Variants in LPA observed in about 807,000 individuals in gnomAD.
The protein encoded by LPA is lipoprotein(a).
In LPA, 199 loss-of-function variants were observed where a neutral mutation model predicts 197.9. The ratio of observed to expected loss-of-function variants is 1.01; its 90% CI spans 0.90 to 1.13. The LOEUF is 1.13. Among genes scored for constraint, LPA ranks in the 50% most tolerant of loss-of-function variants. LPA has a pLI of 0.00. For missense variants in LPA, 1,853 were observed against 1,785.8 expected, an observed-to-expected ratio of 1.04 and a Z score of -0.68; for synonymous variants, 715 against 639.5, an observed-to-expected ratio of 1.12 and a Z score of -1.78.
intron 1 of LPA, among the ~76,000 whole-genome samples, chr6:160,657,473 A>C (rs193118052): frequency 6.9e-6 from 1 of 145,352 alleles, no homozygotes; most frequent in East Asian, 2.0e-4. Context: ...ATCTTGGCTC[A>C]CTGCAATCTC....
chr6:160,584,547 G>A (rs904317545), intron 26 of LPA, among the ~76,000 whole-genome samples: 1 of 151,918 alleles, frequency 6.6e-6, no homozygotes, highest in African/African-American at 2.4e-5. Flanking sequence ...AGCCAGGCTG[G>A]TCTTGAACTC....
At chr6:160,657,810 A>G (rs1375996088) in intron 1 of LPA, among the ~76,000 whole-genome samples, 1 of 152,134 alleles carries the variant, frequency 6.6e-6, no homozygotes, top group Admixed American at 6.5e-5. Flanking sequence ...TTCCACCATT[A>G]TCCCTTACCC....
chr6:160,557,296 T>C, intron 29 of LPA, 94 bp downstream of exon 29: 1 of 1,443,076 alleles, frequency 6.9e-7, no homozygotes, highest in Non-Finnish European at 9.7e-7. Context: ...CTCAAGTTTC[T>C]GTGTAGCATG....
intron 26 of LPA, among the ~76,000 whole-genome samples, chr6:160,584,234 T>TCCTCC (rs1562331265): frequency 1.6e-5 from 1 of 64,162 alleles, no homozygotes; most frequent in Non-Finnish European, 3.2e-5. Flanking sequence ...CTTCTTCTTC[T>TCCTCC]TCTTCCTCCT....
intron 10 of LPA, among the ~76,000 whole-genome samples, chr6:160,626,450 TTGTGTGTGTG>T (rs141731887): frequency 5.9e-4 from 64 of 107,924 alleles, no homozygotes; most frequent in Non-Finnish European, 4.3e-4. Flanking sequence ...TGTTTTCAGT[TTGTGTGTGTG>T]TGTGTGTGTG....
chr6:160,661,083 T>A (rs1436885428), intron 1 of LPA, among the ~76,000 whole-genome samples: 1 of 152,112 alleles, frequency 6.6e-6, no homozygotes. Flanking sequence ...GTCCTGAGGC[T>A]CCTTAGGACA....
At chr6:160,550,972 T>A (rs927623546) in intron 30 of LPA, among the ~76,000 whole-genome samples, 5 of 152,192 alleles carry the variant, frequency 3.3e-5, no homozygotes, top group African/African-American at 1.2e-4. Flanking sequence ...CAGTTTGGGG[T>A]TATAAAAAAT....
At chr6:160,597,654 C>T (rs1779159547) in intron 20 of LPA, among the ~76,000 whole-genome samples, 1 of 152,154 alleles carries the variant, frequency 6.6e-6, no homozygotes, top group Non-Finnish European at 1.5e-5. Context: ...TATCCTTTTA[C>T]TTTCCCTTGA....
At chr6:160,587,931 G>A (rs988353607) in intron 24 of LPA, among the ~76,000 whole-genome samples, 1 of 152,026 alleles carries the variant, frequency 6.6e-6, no homozygotes, top group African/African-American at 2.4e-5. Context: ...CATTAGAGAT[G>A]TACCTTTTCT....
At chr6:160,601,207 A>G in intron 18 of LPA, 109 bp from the exon 19 acceptor site, 1 of 919,318 alleles carries the variant, frequency 1.1e-6, no homozygotes, top group Non-Finnish European at 1.8e-6. Context: ...TATTCCCAAA[A>G]GAGATACCAT....
intron 28 of LPA, among the ~76,000 whole-genome samples, chr6:160,570,826 C>T (rs977546973): frequency 6.6e-6 from 1 of 152,104 alleles, no homozygotes; most frequent in Non-Finnish European, 1.5e-5. Context: ...CTTCAGGTTG[C>T]TCTTCTTGAG....
rs1256333299 is a variant in LPA at position 160,531,786 on chromosome 6, G to A, written c.6066C>T (p.Val2022=). 4 of 1,613,918 alleles carry A rather than the reference G, an allele frequency of 2.5e-6. No homozygotes were observed. Residue 2022 remains valine, a synonymous_variant, in exon 39 of 39, where the codon GTC becomes GTT. Transcript: ENST00000316300. ...LGCARPNKPG[V]YARVSRFVTW... Reference sequence around the variant, plus strand: ...TAACAAACCTTGAAACACGAGCATAGACACCAGGCTTATTGGGGCGTGCAC... The same window carrying A: ...TAACAAACCTTGAAACACGAGCATAAACACCAGGCTTATTGGGGCGTGCAC...
rs1182170940 is a variant in LPA, at chr6:160,650,467, TC to T, written c.79del (p.Asp27IlefsTer29). 6.2e-7 allele frequency: 1 copy of T among 1,613,794 alleles called. No homozygotes were observed. Among genetic ancestry groups the T allele is most frequent in the Non-Finnish European group, 8.5e-7 (1 of 1,179,776 alleles). Reference sequence around the variant, plus strand: ...ACTCTGTCCATCACCATGGTAGCAATCCTGGACCACATGGCTTTGCTCAGGT... The same window carrying T: ...ACTCTGTCCATCACCATGGTAGCAATCTGGACCACATGGCTTTGCTCAGGT... ...AAPEQSHVVQ[D>X]CYHGDGQSYR... is the part of the protein sequence containing the mutation. On this transcript the variant is annotated frameshift_variant, in exon 2 of 39. Coordinates refer to ENST00000316300, the MANE Select transcript of LPA (RefSeq NM_005577.4). LOFTEE classifies it high-confidence loss of function.
chr6:160,609,694 T>C (rs921386126), intron 16 of LPA, among the ~76,000 whole-genome samples: 2 of 152,070 alleles, frequency 1.3e-5, no homozygotes, highest in Admixed American at 1.3e-4. Context: ...GGAAATCTTC[T>C]TATATTTTCC....
intron 2 of LPA, among the ~76,000 whole-genome samples, chr6:160,647,517 A>C (rs773543099): frequency 1.3e-4 from 20 of 152,226 alleles, no homozygotes; most frequent in Non-Finnish European, 2.4e-4. Flanking sequence ...TCAATGAGCA[A>C]CTGGATGTAC....
intron 1 of LPA, among the ~76,000 whole-genome samples, chr6:160,652,630 A>G (rs1017843072): frequency 6.6e-6 from 1 of 152,162 alleles, no homozygotes; most frequent in African/African-American, 2.4e-5. Flanking sequence ...ATGGTAAAAT[A>G]AAGAAATTAT....
chr6:160,603,533 C>T (rs536141608), intron 18 of LPA, among the ~76,000 whole-genome samples: 11 of 152,206 alleles, frequency 7.2e-5, no homozygotes, highest in African/African-American at 2.4e-4. Flanking sequence ...TTTCTTAAAA[C>T]CTAAAACTCA....
rs1322800858 is a variant in LPA at position 160,595,443 on chromosome 6, T to G, written c.3380A>C (p.Asn1127Thr). Reference protein sequence around the residue: ...MDPSVRWEYCNLTQCLVTESS... With the variant: ...MDPSVRWEYCTLTQCLVTESS... ...TTCTGTCACCAGGCATTGTGTCAGG[T>G]TGCAGTACTCCCACCTGACACTGGG... Residue 1127 changes from asparagine to threonine, a missense_variant, in exon 21 of 39, where the codon AAC (asparagine) becomes ACC (threonine). Asn to Thr is a moderately conservative substitution (Grantham distance 65). Around this residue, in one of 3 missense-constraint regions of LPA, gnomAD observed 1,737 missense variants for 1,504.4 expected, o/e 1.15. Transcript: ENST00000316300. The G allele has an allele frequency of 6.2e-7, 1 of 1,613,518 alleles. No homozygotes were observed. Among genetic ancestry groups the G allele is most frequent in the Non-Finnish European group, 8.5e-7 (1 of 1,179,818 alleles).
At chr6:160,559,284 A>G (rs897802918) in intron 28 of LPA, among the ~76,000 whole-genome samples, 1 of 152,208 alleles carries the variant, frequency 6.6e-6, no homozygotes, top group African/African-American at 2.4e-5. Flanking sequence ...ATGTAAATGA[A>G]CTCATACAGA....
Sources: allele counts gnomAD v4.1 joint callset (sites outside exome capture counted in the v4.1 genomes callset), GRCh38; gene constraint gnomAD v4.1.1; regional missense constraint gnomAD v4.1.1; transcripts MANE v1.5; gene names NCBI Gene and HGNC (gene_info 2026-07-23, HGNC 2026-07-21).